The following JAKMIP1 variants were observed in gnomAD, a reference collection of about 807,000 sequenced individuals.
The protein encoded by JAKMIP1 is janus kinase and microtubule interacting protein 1, also known as janus kinase and microtubule-interacting protein 1.
A neutral mutation model predicts 113.0 loss-of-function variants in JAKMIP1; 33 were observed. That is an observed-to-expected ratio of 0.29 (90% CI 0.22 to 0.39). The LOEUF is 0.39. Ranked by LOEUF, JAKMIP1 falls within the 10% of genes least tolerant of loss-of-function variation. The pLI is 1.00. For synonymous variants in JAKMIP1, 480 were observed against 459.9 expected (o/e 1.04, Z -0.56); for missense variants, 813 against 1,080.5 (o/e 0.75, Z 3.47).
rs1421918725 is a variant in JAKMIP1, at chr4:6,155,507, G to C, written c.-147-42510C>G. Among the ~76,000 whole-genome samples, 4 of 152,176 alleles carry C rather than the reference G, an allele frequency of 2.6e-5. No individual in the cohort carries two copies. The highest frequency in any genetic ancestry group is 4.4e-5 in the Non-Finnish European group (3 of 68,032). The stretch of plus-strand genomic sequence containing the variant: ...CAGTTTGGTTCCAGGGTGGGTTATG[G>C]TGGTTGGAAAAATGACAGCAAACTC... On this transcript the variant is annotated intron_variant, in intron 1 of 20. Coordinates refer to ENST00000409021, the MANE Select transcript of JAKMIP1 (RefSeq NM_001099433.2). This position sits in a 1 kb window ranked among gnomAD's most constrained non-coding sequence, Gnocchi z 6.1.
At chr4:6,073,093 A>G (rs1369464139) in intron 8 of JAKMIP1, among the ~76,000 whole-genome samples, 2 of 151,738 alleles carry the variant, frequency 1.3e-5, no homozygotes, top group Non-Finnish European at 1.5e-5. Flanking sequence ...AAAAAAAAAA[A>G]AAAAGTGCTT....
intron 1 of JAKMIP1, among the ~76,000 whole-genome samples, chr4:6,174,905 CTG>C (rs1230098325): frequency 1.3e-5 from 2 of 152,210 alleles, no homozygotes; most frequent in Non-Finnish European, 2.9e-5. Context: ...TGCCCCTGGA[CTG>C]TGGCCACCCT....
Position 6,162,303 on chromosome 4 carries a change from A to G in JAKMIP1, c.-148+37950T>C, listed in dbSNP as rs1402070421. On this transcript the variant is annotated intron_variant, in intron 1 of 20. Coordinates refer to ENST00000409021, the MANE Select transcript of JAKMIP1 (RefSeq NM_001099433.2). This position sits in a 1 kb window ranked among gnomAD's most constrained non-coding sequence, Gnocchi z 5.6. Reference sequence around the variant, plus strand: ...AGGGCCAGCAGAGGAGAGACTCACCAGGACACTGCACTGCAGCCGAGCTTG... The same window carrying G: ...AGGGCCAGCAGAGGAGAGACTCACCGGGACACTGCACTGCAGCCGAGCTTG... 6.6e-6 allele frequency among the ~76,000 whole-genome samples: 1 copy of G among 152,200 alleles called. No individual in the cohort carries two copies. The highest frequency in any genetic ancestry group is 1.5e-5 in the Non-Finnish European group (1 of 68,026).
intron 1 of JAKMIP1, among the ~76,000 whole-genome samples, chr4:6,149,544 T>G (rs1254364251): frequency 6.6e-6 from 1 of 152,188 alleles, no homozygotes; most frequent in Non-Finnish European, 1.5e-5. Context: ...GAAATCCCAG[T>G]TTGCTACACA....
intron 1 of JAKMIP1, among the ~76,000 whole-genome samples, chr4:6,159,689 T>G (rs1194340054): frequency 1.3e-5 from 2 of 152,220 alleles, no homozygotes; most frequent in East Asian, 3.8e-4. Flanking sequence ...TTGGCAAGGT[T>G]CTGGGAAAGT....
chr4:6,034,837 G>A (rs1181840919), intron 19 of JAKMIP1, among the ~76,000 whole-genome samples: 1 of 152,136 alleles, frequency 6.6e-6, no homozygotes, highest in Admixed American at 6.5e-5. Flanking sequence ...ATGTTTCTGT[G>A]GAGGTCTTTC....
In JAKMIP1 at chr4:6,188,845, G is replaced by A. The variant is rs751688981; in HGVS notation, c.-148+11408C>T. ...CCTGGGTGCCTATGGTACTTCCTGG[G>A]AGAGATAGATCATGTCAGGAAAGCA... On this transcript the variant is annotated intron_variant, in intron 1 of 20. Transcript: ENST00000409021. This position sits in a 1 kb window ranked among gnomAD's most constrained non-coding sequence, Gnocchi z 5.8. 6.6e-6 allele frequency among the ~76,000 whole-genome samples: 1 copy of A among 152,168 alleles called. No individual in the cohort carries two copies. Among genetic ancestry groups the A allele is most frequent in the Non-Finnish European group, 1.5e-5 (1 of 68,038 alleles).
At chr4:6,190,280 G>T in intron 1 of JAKMIP1, among the ~76,000 whole-genome samples, 1 of 152,206 alleles carries the variant, frequency 6.6e-6, no homozygotes, top group African/African-American at 2.4e-5. Context: ...GGTTACTATA[G>T]TGAAGCAGAT....
chr4:6,108,466 G>A lies in JAKMIP1; in HGVS notation c.130-2499C>T, dbSNP rs1468817753. Among the ~76,000 whole-genome samples, 8 of 152,230 alleles carry A rather than the reference G, an allele frequency of 5.3e-5. No individual in the cohort carries two copies. Among genetic ancestry groups the A allele is most frequent in the South Asian group, 4.2e-4 (2 of 4,814 alleles). On this transcript the variant is annotated intron_variant, in intron 2 of 20. Transcript: ENST00000409021. This position sits in a 1 kb window ranked among gnomAD's most constrained non-coding sequence, Gnocchi z 5.6. ...ATGCCCTGGGGGTGTGGGGGCTGGC[G>A]TGGAGAAATTATCTGAACCACCAGC... is the stretch of plus-strand genomic sequence containing the variant.
At position 6,081,364 on chromosome 4, in the gene JAKMIP1, G is replaced by C. The variant is rs1029026457; in HGVS notation, c.1101+245C>G. 6.6e-6 allele frequency among the ~76,000 whole-genome samples: 1 copy of C among 152,164 alleles called. No individual in the cohort carries two copies. Among genetic ancestry groups the C allele is most frequent in the Admixed American group, 6.5e-5 (1 of 15,292 alleles). On this transcript the variant is annotated intron_variant, in intron 6 of 20. Coordinates refer to ENST00000409021, the MANE Select transcript of JAKMIP1 (RefSeq NM_001099433.2). This position sits in a 1 kb window ranked among gnomAD's most constrained non-coding sequence, Gnocchi z 4.6. ...GCATGAAGAAACAGAGGCTCAGAGA[G>C]AATGGGGGATGTGTTTAAGGACACA...
chr4:6,054,063 A>C lies in JAKMIP1; in HGVS notation c.1793T>G (p.Val598Gly). 1 of 1,614,106 alleles carries C rather than the reference A, an allele frequency of 6.2e-7. No homozygotes were observed. The highest frequency in any genetic ancestry group is 8.5e-7 in the Non-Finnish European group (1 of 1,179,938). The change falls in exon 13 of 21, where the codon GTG becomes GGG. Residue 598 changes from valine (V) to glycine (G), a missense_variant. Physicochemically the swap from Val to Gly is moderately radical, Grantham distance 109 (BLOSUM62 -3). This residue lies in a region of JAKMIP1 where 273 missense variants were observed against 426.6 expected (regional missense o/e 0.64). Transcript: ENST00000409021. ...KDQNELLEFR[V>G]LELEERERRS... is the part of the protein sequence containing the mutation. ...AGAGTCTCTTACTTCGAGTTCTAGC[A>C]CTCTGAATTCTAACAGCTCGTTCTG...
At position 6,105,722 on chromosome 4, in the gene JAKMIP1, G is replaced by T. The variant is rs765698852; in HGVS notation, c.375C>A (p.Ala125=). 1.9e-6 allele frequency: 3 copies of T among 1,601,530 alleles called. No homozygotes were observed. The highest frequency in any genetic ancestry group is 1.7e-5 in the Admixed American group (1 of 59,602). ...ATLNVLRDGA[A]DKVKTALLTE... is the part of the protein sequence containing the mutation. ...TCAGCAGCGCCGTCTTGACCTTGTC[G>T]GCCGCGCCGTCGCGCAGCACGTTCA... The change falls in exon 3 of 21, where the codon GCC becomes GCA. Residue 125 remains alanine, a synonymous_variant. Coordinates refer to ENST00000409021, the MANE Select transcript of JAKMIP1 (RefSeq NM_001099433.2).
rs1212375304 is a variant in JAKMIP1 at position 6,086,315 on chromosome 4, C to T, written c.625-686G>A. Among the ~76,000 whole-genome samples, 1 of 152,146 alleles carries T rather than the reference C, an allele frequency of 6.6e-6. No homozygotes were observed. The highest frequency in any genetic ancestry group is 1.5e-5 in the Non-Finnish European group (1 of 68,038). ...TCCTCTCCCAGGCAGCCAGGTCCTC[C>T]CCGACGGTATCAACCCCACATATGC... On this transcript the variant is annotated intron_variant, in intron 3 of 20. Coordinates refer to ENST00000409021, the MANE Select transcript of JAKMIP1 (RefSeq NM_001099433.2). The surrounding 1 kb of genome is among the most constrained non-coding windows in gnomAD (Gnocchi z 4.1).
chr4:6,056,779 A>G lies in JAKMIP1; in HGVS notation c.1645-20T>C, dbSNP rs1176285627. ...GGAATCCTAAGGAAAAGTACTAAATATGGTCACATTCATGGAAGCAAACAG... is the reference window on the plus strand; with the variant it reads ...GGAATCCTAAGGAAAAGTACTAAATGTGGTCACATTCATGGAAGCAAACAG... On this transcript the variant is annotated intron_variant, in intron 11 of 20. Transcript: ENST00000409021. 6.4e-7 allele frequency: 1 copy of G among 1,558,646 alleles called. No homozygotes were observed. The highest frequency in any genetic ancestry group is 8.8e-7 in the Non-Finnish European group (1 of 1,130,852).
In JAKMIP1 at chr4:6,199,187, G is replaced by A. The variant is rs1018155156; in HGVS notation, c.-148+1066C>T. On this transcript the variant is annotated intron_variant, in intron 1 of 20. Coordinates refer to ENST00000409021, the MANE Select transcript of JAKMIP1 (RefSeq NM_001099433.2). This position sits in a 1 kb window ranked among gnomAD's most constrained non-coding sequence, Gnocchi z 5.6. ...GCCTGCGAGTGTGCGCAGATGGGGC[G>A]GGCGGCGGAGGAGGGCTGGCGGTTA... Among the ~76,000 whole-genome samples, 2 of 152,268 alleles carry A rather than the reference G, an allele frequency of 1.3e-5. No individual in the cohort carries two copies. The highest frequency in any genetic ancestry group is 2.4e-5 in the African/African-American group (1 of 41,480).
At chr4:6,146,237 G>A (rs1720831960) in intron 1 of JAKMIP1, among the ~76,000 whole-genome samples, 1 of 120,868 alleles carries the variant, frequency 8.3e-6, no homozygotes, top group Admixed American at 9.2e-5. Context: ...GCTGGGGGGA[G>A]GTTGCGGGGG....
rs1712030104 is a variant in JAKMIP1, at chr4:6,097,559, A to T, written c.624+7914T>A. Reference sequence around the variant, plus strand: ...CAGGAGGTTGGGTGTGCAATTTTCCACTTGTGACTTCATGTTGGCACTCAC... The same window carrying T: ...CAGGAGGTTGGGTGTGCAATTTTCCTCTTGTGACTTCATGTTGGCACTCAC... On this transcript the variant is annotated intron_variant, in intron 3 of 20. Transcript: ENST00000409021. This position sits in a 1 kb window ranked among gnomAD's most constrained non-coding sequence, Gnocchi z 4.3. 6.6e-6 allele frequency among the ~76,000 whole-genome samples: 1 copy of T among 151,960 alleles called. No homozygotes were observed. Among genetic ancestry groups the T allele is most frequent in the East Asian group, 1.9e-4 (1 of 5,184 alleles).
chr4:6,035,487 A>C (rs1307470711), intron 19 of JAKMIP1, among the ~76,000 whole-genome samples: 1 of 152,274 alleles, frequency 6.6e-6, no homozygotes. Context: ...GAACCTTGGA[A>C]GACATTGAGG....
intron 3 of JAKMIP1, among the ~76,000 whole-genome samples, chr4:6,102,446 T>C (rs1173480069): frequency 6.6e-6 from 1 of 152,030 alleles, no homozygotes; most frequent in Non-Finnish European, 1.5e-5. Context: ...TGCCTGCCTC[T>C]CTTTTGTCAT....
Sources: allele counts gnomAD v4.1 joint callset (sites outside exome capture counted in the v4.1 genomes callset), GRCh38; gene constraint gnomAD v4.1.1; regional missense constraint gnomAD v4.1.1; non-coding constraint Gnocchi (gnomAD v3.1); transcripts MANE v1.5; gene names NCBI Gene and HGNC (gene_info 2026-07-23, HGNC 2026-07-21).